Variants in SMURF1 observed in about 807,000 individuals in gnomAD.
SMURF1 encodes SMAD specific E3 ubiquitin protein ligase 1.
SMURF1 carries 44 observed loss-of-function variants against 98.0 expected under a neutral mutation model. The ratio of observed to expected loss-of-function variants is 0.45; its 90% CI spans 0.35 to 0.58. SMURF1 has a LOEUF of 0.58. SMURF1 is among the 20% of genes least tolerant of loss of function. The pLI is 0.00. For missense variants in SMURF1, 687 were observed against 938.4 expected (o/e 0.73, Z 3.50); for synonymous variants, 396 against 374.9 (o/e 1.06, Z -0.65).
intron 1 of SMURF1, among the ~76,000 whole-genome samples, chr7:99,133,337 C>T (rs1338776592): frequency 4.6e-5 from 7 of 151,732 alleles, no homozygotes; most frequent in African/African-American, 1.2e-4. Context: ...CAGGACCTCC[C>T]GGTACATTTC....
rs186373928 is a variant in SMURF1 at position 99,107,768 on chromosome 7, C to T, written c.55+35958G>A. Among the ~76,000 whole-genome samples the T allele has an allele frequency of 3.0e-3, 459 of 152,276 alleles. 2 individuals carry two copies. Among genetic ancestry groups the T allele is most frequent in the African/African-American group, 0.011 (440 of 41,542 alleles). The stretch of plus-strand genomic sequence containing the variant: ...TCCCAGGGTGGTATTAAGTGGCATT[C>T]CCGGAGAAAAGAAGTTGCTCTTAAT... On this transcript the variant is annotated intron_variant, in intron 1 of 17. Transcript: ENST00000361368.
chr7:99,029,926 G>T lies in SMURF1; in HGVS notation c.*658C>A, dbSNP rs576463655. 2.0e-4 allele frequency: 31 copies of T among 152,344 alleles called. No homozygotes were observed. Among genetic ancestry groups the T allele is most frequent in the African/African-American group, 7.0e-4 (29 of 41,586 alleles). The allele number at this position is 152,344 out of a possible 1,614,324, so 9.4% of individuals were successfully genotyped here. A position where few individuals can be genotyped will look rare whatever the true frequency, so the allele number is the denominator to read the frequency against. The stretch of plus-strand genomic sequence containing the variant: ...ATTTTCAGCCAAGATACCCAGAAAA[G>T]AAATATCCTGGGCCTCCAGGAAAAG... On this transcript the variant is annotated 3_prime_UTR_variant, in exon 18 of 18. Transcript: ENST00000361368.
At chr7:99,057,584 GT>G in intron 3 of SMURF1, 33 bp from the exon 4 acceptor site, 1 of 1,454,896 alleles carries the variant, frequency 6.9e-7, no homozygotes, top group Non-Finnish European at 9.0e-7. Flanking sequence ...ATTTTTAATT[GT>G]GTTTGGTTTT....
chr7:99,064,410 T>C (rs1281744073), intron 1 of SMURF1, among the ~76,000 whole-genome samples: 1 of 152,254 alleles, frequency 6.6e-6, no homozygotes, highest in Non-Finnish European at 1.5e-5. Flanking sequence ...CTTTTCATTT[T>C]CTTTGTGAGA....
At chr7:99,085,214 A>G (rs11972904) in intron 1 of SMURF1, among the ~76,000 whole-genome samples, 17,034 of 151,926 alleles carry the variant, frequency 0.11, 1,098 homozygotes, top group African/African-American at 0.16. Flanking sequence ...TTAGCTGGGC[A>G]TGGTGGTGGG....
At chr7:99,061,117 TAGATC>T (rs936461537) in intron 2 of SMURF1, among the ~76,000 whole-genome samples, 1 of 152,174 alleles carries the variant, frequency 6.6e-6, no homozygotes, top group Non-Finnish European at 1.5e-5. Context: ...AGAGGTTTAT[TAGATC>T]AGACAGGTGG....
chr7:99,036,477 CAAAA>C (rs11341707), intron 15 of SMURF1: 11 of 73,966 alleles, frequency 1.5e-4, no homozygotes, highest in Admixed American at 1.1e-3. Context: ...GACCGTGTCT[CAAAA>C]AAAAAAAAAA....
chr7:99,052,381 T>G lies in SMURF1; in HGVS notation c.545A>C (p.Tyr182Ser), dbSNP rs747744029. Residue 182 changes from tyrosine to serine, a missense_variant, in exon 7 of 18, where the codon TAC becomes TCC. Coordinates refer to ENST00000361368, the MANE Select transcript of SMURF1 (RefSeq NM_181349.3). ...AGCAGCAGCACCGGTGCTATCTGTG[T>G]AAGGGGCTGGTTCCTCCATGAAGCA... The part of the protein sequence containing the change: ...LSCFMEEPAP[Y>S]TDSTGAAAGG... 1.2e-6 allele frequency: 2 copies of G among 1,611,606 alleles called. No homozygotes were observed. The highest frequency in any genetic ancestry group is 1.7e-6 in the Non-Finnish European group (2 of 1,178,634).
intron 1 of SMURF1, among the ~76,000 whole-genome samples, chr7:99,065,634 A>ATC (rs1234321209): frequency 6.6e-6 from 1 of 152,184 alleles, no homozygotes; most frequent in Non-Finnish European, 1.5e-5. Flanking sequence ...AGCTTGGAAT[A>ATC]TCTCAACAGC....
rs775761928 is a variant in SMURF1, at chr7:99,035,639, G to A, written c.1887C>T (p.Asp629=). 1.9e-6 allele frequency: 3 copies of A among 1,614,232 alleles called. No homozygotes were observed. Among genetic ancestry groups the A allele is most frequent in the South Asian group, 1.1e-5 (1 of 91,084 alleles). ...GCCAGAACCACCGCACGATGTTGCT[G>A]TCGGCCACACAGTGCTTCAGCCGCG... ...SNTRLKHCVA[D]SNIVRWFWQA... Residue 629 remains aspartate, a synonymous_variant, in exon 16 of 18, where the codon GAC becomes GAT. Coordinates refer to ENST00000361368, the MANE Select transcript of SMURF1 (RefSeq NM_181349.3).
intron 1 of SMURF1, among the ~76,000 whole-genome samples, chr7:99,086,381 C>T (rs900863720): frequency 1.4e-5 from 2 of 144,466 alleles, no homozygotes; most frequent in African/African-American, 4.9e-5. Flanking sequence ...ATACCACTTC[C>T]CACCTAAGAT....
At chr7:99,140,923 G>A (rs969806444) in intron 1 of SMURF1, among the ~76,000 whole-genome samples, 3 of 152,078 alleles carry the variant, frequency 2.0e-5, no homozygotes, top group Non-Finnish European at 2.9e-5. Flanking sequence ...CCAGAAAGAT[G>A]AGACTAAAAC....
intron 13 of SMURF1, among the ~76,000 whole-genome samples, chr7:99,039,750 G>A (rs558037020): frequency 3.3e-5 from 5 of 152,240 alleles, no homozygotes; most frequent in South Asian, 2.1e-4. Context: ...CAGGAGCCCC[G>A]ACTCCGACTC....
chr7:99,070,648 A>AC (rs970636792), intron 1 of SMURF1, among the ~76,000 whole-genome samples: 2 of 129,004 alleles, frequency 1.6e-5, no homozygotes, highest in African/African-American at 5.0e-5. Flanking sequence ...TTAGGTAATG[A>AC]CTTTTTTTTT....
At chr7:99,112,580 C>CA (rs1196390761) in intron 1 of SMURF1, among the ~76,000 whole-genome samples, 1 of 151,938 alleles carries the variant, frequency 6.6e-6, no homozygotes, top group African/African-American at 2.4e-5. Context: ...CAGTTTGGAA[C>CA]AAAAAAATTA....
intron 11 of SMURF1, among the ~76,000 whole-genome samples, chr7:99,043,810 C>G (rs1421836194): frequency 6.6e-6 from 1 of 152,078 alleles, no homozygotes; most frequent in Non-Finnish European, 1.5e-5. Context: ...AACATCACAC[C>G]ACACAACCAT....
chr7:99,126,097 G>A (rs1797738021), intron 1 of SMURF1, among the ~76,000 whole-genome samples: 2 of 152,158 alleles, frequency 1.3e-5, no homozygotes, highest in South Asian at 2.1e-4. Context: ...TCTAGCGAAT[G>A]TACCATTTCC....
chr7:99,083,344 T>C (rs1450752137), intron 1 of SMURF1, among the ~76,000 whole-genome samples: 1 of 152,214 alleles, frequency 6.6e-6, no homozygotes, highest in Non-Finnish European at 1.5e-5. Flanking sequence ...CTCAGGCCAA[T>C]GTCAAAAAGA....
intron 1 of SMURF1, among the ~76,000 whole-genome samples, chr7:99,129,485 G>A (rs181310063): frequency 1.4e-4 from 21 of 152,298 alleles, no homozygotes; most frequent in Middle Eastern, 3.4e-3. Flanking sequence ...TCAACCTCTT[G>A]AGCTCAAACA....
Sources: allele counts gnomAD v4.1 joint callset (sites outside exome capture counted in the v4.1 genomes callset), GRCh38; gene constraint gnomAD v4.1.1; transcripts MANE v1.5; gene names NCBI Gene and HGNC (gene_info 2026-07-23, HGNC 2026-07-21).